Variants in RSAD1 observed in about 807,000 individuals in gnomAD.
RSAD1 encodes radical S-adenosyl methionine domain containing 1.
RSAD1 carries 34 observed loss-of-function variants against 46.2 expected under a neutral mutation model. The ratio of observed to expected loss-of-function variants is 0.74; its 90% CI spans 0.56 to 0.98. The LOEUF (loss-of-function observed/expected upper bound fraction) is 0.98. RSAD1 is among the 50% of genes least tolerant of loss of function. The pLI is 0.00. For synonymous variants in RSAD1, 260 were observed against 253.5 expected (o/e 1.03, Z -0.24); for missense variants, 635 against 592.3 (o/e 1.07, Z -0.75).
Position 50,483,365 on chromosome 17 carries a change from G to T in RSAD1, c.930G>T (p.Gln310His). 6.2e-7 allele frequency: 1 copy of T among 1,613,986 alleles called. No individual in the cohort carries two copies. Among genetic ancestry groups the T allele is most frequent in the Non-Finnish European group, 8.5e-7 (1 of 1,179,944 alleles). ...GPGAHGRFMPQGAGGHTREAR... is the reference protein window; with the variant it reads ...GPGAHGRFMPHGAGGHTREAR... Reference sequence around the variant, plus strand: ...GGGCCCATGGACGATTTATGCCCCAGGGGGCTGGAGGCCACACCCGGGAGG... The same window carrying T: ...GGGCCCATGGACGATTTATGCCCCATGGGGCTGGAGGCCACACCCGGGAGG... Residue 310 changes from glutamine (Q) to histidine (H), a missense_variant, in exon 6 of 9, where the codon CAG (glutamine) becomes CAT (histidine). Physicochemically the swap from Gln to His is conservative, Grantham distance 24. Coordinates refer to ENST00000258955, the MANE Select transcript of RSAD1 (RefSeq NM_018346.3).
At chr17:50,483,197 G>GAGAGAGAGAGAGAGAGAGAGAGAA (rs2033405162) in intron 5 of RSAD1, 143 bp from the exon 6 acceptor site, 1 of 618,570 alleles carries the variant, frequency 1.6e-6, no homozygotes, top group African/African-American at 2.8e-5. Context: ...AAAAAAGAAA[G>GAGAGAGAGAGAGAGAGAGAGAGAA]AAAGAAAGAA....
chr17:50,483,393 C>G lies in RSAD1; in HGVS notation c.958C>G (p.Arg320Gly), dbSNP rs757840883. The G allele has an allele frequency of 3.7e-6, 6 of 1,613,824 alleles. No homozygotes were observed. The highest frequency in any genetic ancestry group is 5.1e-6 in the Non-Finnish European group (6 of 1,179,942). The change falls in exon 6 of 9, where the codon CGG (arginine) becomes GGG (glycine). Residue 320 changes from arginine (R) to glycine (G), a missense_variant. Physicochemically the swap from Arg to Gly is moderately radical, Grantham distance 125. Transcript: ENST00000258955. Reference sequence around the variant, plus strand: ...GGCTGGAGGCCACACCCGGGAGGCTCGGATCCAGACACTGGAGCCTGACAA... The same window carrying G: ...GGCTGGAGGCCACACCCGGGAGGCTGGGATCCAGACACTGGAGCCTGACAA... Reference protein sequence around the residue: ...QGAGGHTREARIQTLEPDNWM... With the variant: ...QGAGGHTREAGIQTLEPDNWM...
At chr17:50,480,148 C>A in intron 3 of RSAD1, 64 bp downstream of exon 3, 1 of 1,529,230 alleles carries the variant, frequency 6.5e-7, no homozygotes, top group Non-Finnish European at 9.1e-7. Flanking sequence ...CCTCTTTGGT[C>A]ACATTCATTC....
At chr17:50,479,798 A>T in intron 2 of RSAD1, 36 bp downstream of exon 2, 1 of 1,591,004 alleles carries the variant, frequency 6.3e-7, no homozygotes, top group Non-Finnish European at 8.6e-7. Flanking sequence ...GTTTTGGGAA[A>T]TATTTGGAGG....
chr17:50,479,222 C>T (rs1005361983), intron 1 of RSAD1: 6 of 542,622 alleles, frequency 1.1e-5, no homozygotes, highest in South Asian at 4.9e-5. Flanking sequence ...TGCTACTCAC[C>T]GGCTCGGTGA....
At position 50,480,001 on chromosome 17, in the gene RSAD1, G is replaced by C. The variant is rs1286234240; in HGVS notation, c.391G>C (p.Glu131Gln). 3 of 1,614,208 alleles carry C rather than the reference G, an allele frequency of 1.9e-6. No homozygotes were observed. In the Admixed American group the frequency reaches 5.0e-5, roughly 27 times the overall value. ...HLPADLEVTL[E>Q]ANPTSAPGSR... is the part of the protein sequence containing the mutation. Reference sequence around the variant, plus strand: ...GCCTGCAGACTTGGAAGTCACATTGGAGGCTAATCCTACTTCAGCTCCGGG... The same window carrying C: ...GCCTGCAGACTTGGAAGTCACATTGCAGGCTAATCCTACTTCAGCTCCGGG... Residue 131 changes from glutamate to glutamine, a missense_variant, in exon 3 of 9, where the codon GAG becomes CAG. Physicochemically the swap from Glu to Gln is conservative, Grantham distance 29 (BLOSUM62 2). Coordinates refer to ENST00000258955, the MANE Select transcript of RSAD1 (RefSeq NM_018346.3).
rs191830321 is a variant in RSAD1 at position 50,478,919 on chromosome 17, C to A, written c.35C>A (p.Ala12Glu). 416 of 1,335,576 alleles carry A rather than the reference C, an allele frequency of 3.1e-4. 3 individuals carry two copies. Among genetic ancestry groups the A allele is most frequent in the Non-Finnish European group, 1.7e-5 (18 of 1,050,164 alleles). 82.7% of individuals were successfully genotyped at this position (1,335,576 alleles called of 1,614,324 possible). The change falls in exon 1 of 9, where the codon GCG (alanine) becomes GAG (glutamate). Residue 12 changes from alanine (A) to glutamate (E), a missense_variant. Transcript: ENST00000258955. The stretch of plus-strand genomic sequence containing the variant: ...CCCGGAGCCCGGGCTCGCGGCTGGG[C>A]GGCAGCAGCCAGAGCGGCCCAGAGG... ...ALPGARARGW[A>E]AAARAAQRRR...
At chr17:50,484,261 G>T in intron 7 of RSAD1, 181 bp from the exon 8 acceptor site, 1 of 581,048 alleles carries the variant, frequency 1.7e-6, no homozygotes. Context: ...CAGTCTCAGT[G>T]GAATAGGAGT....
Position 50,482,043 on chromosome 17 carries a change from G to T in RSAD1, c.475-48G>T, listed in dbSNP as rs372181433. The T allele has an allele frequency of 4.0e-4, 595 of 1,484,776 alleles. 2 individuals carry two copies. The South Asian group carries it at 7.4e-3, about 18-fold the overall frequency. The allele number at this position is 1,484,776 out of a possible 1,614,324, so 92.0% of individuals were successfully genotyped here. On this transcript the variant is annotated intron_variant, in intron 3 of 8. Coordinates refer to ENST00000258955, the MANE Select transcript of RSAD1 (RefSeq NM_018346.3). Reference sequence around the variant, plus strand: ...GTCTACAATGGGGAGGAGGGTTCTTGTCTCTCTCTGAGCTGCTGGTATGCT... The same window carrying T: ...GTCTACAATGGGGAGGAGGGTTCTTTTCTCTCTCTGAGCTGCTGGTATGCT...
intron 6 of RSAD1, 106 bp from the exon 7 acceptor site, chr17:50,483,600 T>A (rs2033412809): frequency 6.3e-7 from 1 of 1,591,336 alleles, no homozygotes. Flanking sequence ...TGCCACATAC[T>A]GTATGGTCCC....
At chr17:50,479,459 A>G in intron 1 of RSAD1, 170 bp from the exon 2 acceptor site, 2 of 680,240 alleles carry the variant, frequency 2.9e-6, no homozygotes, top group Non-Finnish European at 4.7e-6. Flanking sequence ...ATTGAAGTGG[A>G]TGTAATAACC....
intron 3 of RSAD1, among the ~76,000 whole-genome samples, chr17:50,480,885 A>T (rs2033373489): frequency 6.6e-6 from 1 of 152,202 alleles, no homozygotes; most frequent in Non-Finnish European, 1.5e-5. Flanking sequence ...ACCCTGAATT[A>T]AGAGATTTTT....
chr17:50,483,553 A>G (rs2033412020), intron 6 of RSAD1, 66 bp downstream of exon 6: 13 of 1,592,948 alleles, frequency 8.2e-6, no homozygotes, highest in Non-Finnish European at 1.1e-5. Context: ...GTCTATTTGT[A>G]TATCTTTTAT....
rs748119186 is a variant in RSAD1 at position 50,480,013 on chromosome 17, A to C, written c.403A>C (p.Thr135Pro). 7.4e-6 allele frequency: 12 copies of C among 1,614,020 alleles called. No individual in the cohort carries two copies. Among genetic ancestry groups the C allele is most frequent in the Non-Finnish European group, 1.0e-5 (12 of 1,180,030 alleles). ...GGAAGTCACATTGGAGGCTAATCCT[A>C]CTTCAGCTCCGGGCTCCAGACTGGC... ...DLEVTLEANP[T>P]SAPGSRLAEF... Residue 135 changes from threonine (T) to proline (P), a missense_variant, in exon 3 of 9, where the codon ACT becomes CCT. Coordinates refer to ENST00000258955, the MANE Select transcript of RSAD1 (RefSeq NM_018346.3).
At chr17:50,484,684 G>T in intron 8 of RSAD1, 60 bp from the exon 9 acceptor site, 1 of 1,555,546 alleles carries the variant, frequency 6.4e-7, no homozygotes, top group South Asian at 1.1e-5. Context: ...GGCCCTGCTG[G>T]GTGATGGGCT....
rs2033392607 is a variant in RSAD1, at chr17:50,482,418, G to A, written c.802G>A (p.Gly268Ser). Residue 268 changes from glycine to serine, a missense_variant, in exon 4 of 9, where the codon GGC becomes AGC. Gly to Ser is a moderately conservative substitution (Grantham distance 56). Coordinates refer to ENST00000258955, the MANE Select transcript of RSAD1 (RefSeq NM_018346.3). ...GGGCCGGGCTGTCCTTCGGGAGGCT[G>A]GCTTCCACCAGTATGAGGTCTCCAA... is the stretch of plus-strand genomic sequence containing the variant. ...QRGRAVLREA[G>S]FHQYEVSNFA... The A allele has an allele frequency of 6.3e-7, 1 of 1,587,510 alleles. No homozygotes were observed. The highest frequency in any genetic ancestry group is 1.3e-5 in the African/African-American group (1 of 74,254).
Position 50,478,990 on chromosome 17 carries a change from G to T in RSAD1, c.106G>T (p.Ala36Ser). The T allele has an allele frequency of 7.2e-7, 1 of 1,380,150 alleles. No homozygotes were observed. Among genetic ancestry groups the T allele is most frequent in the Non-Finnish European group, 9.3e-7 (1 of 1,073,298 alleles). The allele number at this position is 1,380,150 out of a possible 1,614,324, so 85.5% of individuals were successfully genotyped here. ...AGGAGGGTCCCCGAGTCCTGAGCCT[G>T]CGGGCCGGCGCGCGGCGCTTTACGT... ...NAGGSPSPEP[A>S]GRRAALYVHW... is the part of the protein sequence containing the mutation. The change falls in exon 1 of 9, where the codon GCG becomes TCG. Residue 36 changes from alanine (A) to serine (S), a missense_variant. Transcript: ENST00000258955.
At position 50,482,188 on chromosome 17, in the gene RSAD1, G is replaced by T. The variant is rs758275204; in HGVS notation, c.572G>T (p.Arg191Leu). 1.9e-6 allele frequency: 3 copies of T among 1,576,802 alleles called. 1 individual carries two copies. The East Asian group carries it at 6.8e-5, about 36-fold the overall frequency. Residue 191 changes from arginine to leucine, a missense_variant, in exon 4 of 9, where the codon CGC (arginine) becomes CTC (leucine). Physicochemically the swap from Arg to Leu is moderately radical, Grantham distance 102. Coordinates refer to ENST00000258955, the MANE Select transcript of RSAD1 (RefSeq NM_018346.3). Reference sequence around the variant, plus strand: ...GAGGCCCGGCGCCTCTTTCCCGGGCGCGTGTCTGTAGACTTGATGCTGGGG... The same window carrying T: ...GAGGCCCGGCGCCTCTTTCCCGGGCTCGTGTCTGTAGACTTGATGCTGGGG... The part of the protein sequence containing the change: ...LAEARRLFPG[R>L]VSVDLMLGLP...
chr17:50,483,825 C>G, intron 7 of RSAD1, 65 bp downstream of exon 7: 4 of 1,440,934 alleles, frequency 2.8e-6, no homozygotes, highest in Non-Finnish European at 3.8e-6. Context: ...TGCCCCCTCC[C>G]TGCCACCCCC....
Sources: allele counts gnomAD v4.1 joint callset (sites outside exome capture counted in the v4.1 genomes callset), GRCh38; gene constraint gnomAD v4.1.1; transcripts MANE v1.5; gene names NCBI Gene and HGNC (gene_info 2026-07-23, HGNC 2026-07-21).